CDH4: variants seen among roughly 807,000 people sequenced by gnomAD.
The protein encoded by CDH4 is cadherin-4.
CDH4 carries 33 observed loss-of-function variants against 86.0 expected under a neutral mutation model. The observed-to-expected ratio is 0.38, with a 90% confidence interval of 0.29 to 0.51. The LOEUF is 0.51. Among genes scored for constraint, CDH4 ranks in the 20% least tolerant of loss-of-function variants. CDH4 has a pLI of 0.86. For synonymous variants in CDH4, 555 were observed against 549.4 expected (o/e 1.01, Z -0.14); for missense variants, 1,114 against 1,307.4 (o/e 0.85, Z 2.28).
chr20:61,473,752 C>T (rs1216759952), intron 2 of CDH4, among the ~76,000 whole-genome samples: 1 of 152,034 alleles, frequency 6.6e-6, no homozygotes. Flanking sequence ...CACACAGACA[C>T]GCAGACACAC....
At chr20:61,309,771 T>C (rs1415163571) in intron 2 of CDH4, among the ~76,000 whole-genome samples, 2 of 105,018 alleles carry the variant, frequency 1.9e-5, no homozygotes, top group Non-Finnish European at 3.9e-5. Flanking sequence ...CATGAACATA[T>C]AGCAAGTGCC....
intron 15 of CDH4, 51 bp downstream of exon 15, chr20:61,934,271 A>G (rs778166355): frequency 6.7e-7 from 1 of 1,491,028 alleles, no homozygotes; most frequent in Non-Finnish European, 9.0e-7. Flanking sequence ...TCCTCTAAAA[A>G]TTAAATTCTG....
At chr20:61,443,100 G>A (rs1339794460) in intron 2 of CDH4, among the ~76,000 whole-genome samples, 1 of 152,190 alleles carries the variant, frequency 6.6e-6, no homozygotes, top group Admixed American at 6.5e-5. Flanking sequence ...TCATTTGTTT[G>A]TTGTTTTTTA....
At position 61,544,925 on chromosome 20, in the gene CDH4, G is replaced by A. The variant is rs2086066742; in HGVS notation, c.170-198638G>A. The stretch of plus-strand genomic sequence containing the variant: ...AGGTGCTAGGTACAATCAAATGTAT[G>A]TGATAAGTAATTAGATATCCAGGTA... On this transcript the variant is annotated intron_variant, in intron 2 of 15. Coordinates refer to ENST00000614565, the MANE Select transcript of CDH4 (RefSeq NM_001794.5). The surrounding 1 kb of genome is among the most constrained non-coding windows in gnomAD (Gnocchi z 6.5). 1.3e-5 allele frequency among the ~76,000 whole-genome samples: 2 copies of A among 152,182 alleles called. No individual in the cohort carries two copies. Among genetic ancestry groups the A allele is most frequent in the African/African-American group, 4.8e-5 (2 of 41,436 alleles).
At chr20:61,593,358 C>A (rs536623132) in intron 2 of CDH4, among the ~76,000 whole-genome samples, 76 of 152,248 alleles carry the variant, frequency 5.0e-4, no homozygotes, top group African/African-American at 1.7e-3. Context: ...TTGGTTATAC[C>A]CCGGAACTGG....
intron 3 of CDH4, among the ~76,000 whole-genome samples, chr20:61,764,770 C>T (rs576733029): frequency 6.6e-6 from 1 of 152,348 alleles, no homozygotes; most frequent in African/African-American, 2.4e-5. Flanking sequence ...CTCCTATCCC[C>T]ACTGCTGCCC....
At chr20:61,500,212 TATC>T (rs1456360212) in intron 2 of CDH4, among the ~76,000 whole-genome samples, 1 of 152,166 alleles carries the variant, frequency 6.6e-6, no homozygotes, top group Non-Finnish European at 1.5e-5. Flanking sequence ...ATAATGGAAG[TATC>T]ATCATAAGCT....
At position 61,597,090 on chromosome 20, in the gene CDH4, T is replaced by C. The variant is rs78498367; in HGVS notation, c.170-146473T>C. Among the ~76,000 whole-genome samples, 1,175 of 152,364 alleles carry C rather than the reference T, an allele frequency of 7.7e-3. 15 individuals carry two copies. The highest frequency in any genetic ancestry group is 0.023 in the African/African-American group (960 of 41,582). ...CAACTATAAACTAAATGTCAGATCATCTGCAACTGTGCTGGGAGATGAGCA... is the reference window on the plus strand; with the variant it reads ...CAACTATAAACTAAATGTCAGATCACCTGCAACTGTGCTGGGAGATGAGCA... On this transcript the variant is annotated intron_variant, in intron 2 of 15. Coordinates refer to ENST00000614565, the MANE Select transcript of CDH4 (RefSeq NM_001794.5).
chr20:61,775,194 G>C (rs1412877076), intron 4 of CDH4, among the ~76,000 whole-genome samples: 2 of 152,140 alleles, frequency 1.3e-5, no homozygotes, highest in African/African-American at 4.8e-5. Flanking sequence ...AAAAGCATAA[G>C]GTGAGAGAAC....
intron 2 of CDH4, among the ~76,000 whole-genome samples, chr20:61,422,317 G>A (rs563343696): frequency 9.3e-5 from 14 of 151,228 alleles, no homozygotes; most frequent in Admixed American, 7.9e-4. Flanking sequence ...CCAGCTACTC[G>A]GGGGGCTGAA....
intron 4 of CDH4, among the ~76,000 whole-genome samples, chr20:61,787,211 C>T (rs1891574): frequency 0.81 from 123,324 of 152,092 alleles, 50,230 homozygotes; most frequent in East Asian, 0.93. Context: ...CACCCTGTAT[C>T]TGTTGGTTCT....
At chr20:61,666,202 G>A (rs2087322371) in intron 2 of CDH4, among the ~76,000 whole-genome samples, 1 of 152,190 alleles carries the variant, frequency 6.6e-6, no homozygotes, top group Admixed American at 6.5e-5. Context: ...CCAAAAAGTG[G>A]GGTGGCTGTT....
At chr20:61,260,984 G>C (rs1266516193) in intron 2 of CDH4, among the ~76,000 whole-genome samples, 2 of 152,216 alleles carry the variant, frequency 1.3e-5, no homozygotes, top group African/African-American at 4.8e-5. Context: ...AGAGGGTCCT[G>C]GTAGCCCTGG....
intron 2 of CDH4, among the ~76,000 whole-genome samples, chr20:61,265,818 G>A (rs1055580893): frequency 6.6e-6 from 1 of 152,216 alleles, no homozygotes; most frequent in Non-Finnish European, 1.5e-5. Flanking sequence ...CCAGCACTTA[G>A]CCACAGCCCA....
chr20:61,903,566 A>G (rs1234732366), intron 8 of CDH4, among the ~76,000 whole-genome samples: 2 of 131,476 alleles, frequency 1.5e-5, no homozygotes, highest in Admixed American at 7.8e-5. Context: ...AAAAGTGTAA[A>G]TGTACATATT....
chr20:61,584,370 A>G (rs568170064), intron 2 of CDH4, among the ~76,000 whole-genome samples: 2 of 152,290 alleles, frequency 1.3e-5, no homozygotes, highest in East Asian at 1.9e-4. Flanking sequence ...GAAGCCTCTC[A>G]GACAACCTCA....
intron 3 of CDH4, among the ~76,000 whole-genome samples, chr20:61,769,182 T>A (rs553937304): frequency 6.6e-6 from 1 of 152,240 alleles, no homozygotes; most frequent in African/African-American, 2.4e-5. Flanking sequence ...TCTCCAGAGG[T>A]GGATCCCCAA....
chr20:61,576,269 G>A (rs1046837107), intron 2 of CDH4, among the ~76,000 whole-genome samples: 6 of 152,106 alleles, frequency 3.9e-5, no homozygotes, highest in Non-Finnish European at 7.4e-5. Context: ...TCCTTGCTGG[G>A]TCACCCACCA....
In CDH4 at chr20:61,928,206, C is replaced by T. The variant is rs1398045350; in HGVS notation, c.1788C>T (p.Ser596=). 17 of 1,601,144 alleles carry T rather than the reference C, an allele frequency of 1.1e-5. 1 individual carries two copies. The Middle Eastern group carries it at 8.2e-4, about 77-fold the overall frequency. The change falls in exon 12 of 16, where the codon AGC becomes AGT. Residue 596 remains serine (S), a synonymous_variant. Coordinates refer to ENST00000614565, the MANE Select transcript of CDH4 (RefSeq NM_001794.5). ...LAADNGIPPA[S]GTGTLQIYLI... ...GTTCCACAGGGATACCCCCGGCCAG[C>T]GGCACCGGGACCCTCCAGATCTATC...
Sources: gnomAD v4.1 joint callset for allele counts (sites outside exome capture counted in the v4.1 genomes callset) on GRCh38, gnomAD v4.1.1 for gene constraint, Gnocchi (gnomAD v3.1) non-coding constraint, MANE v1.5 for transcripts, NCBI Gene and HGNC (gene_info 2026-07-23, HGNC 2026-07-21) for gene names.